SLC8A1: variants seen among roughly 807,000 people sequenced by gnomAD.
SLC8A1 encodes the protein solute carrier family 8 member A1, also known as sodium/calcium exchanger 1.
A neutral mutation model predicts 68.3 loss-of-function variants in SLC8A1; 18 were observed. The observed-to-expected ratio is 0.26, with a 90% CI of 0.18 to 0.39. The LOEUF is 0.39. Ranked by LOEUF, SLC8A1 falls within the 10% of genes least tolerant of loss-of-function variation. SLC8A1 has a pLI of 1.00. For missense variants in SLC8A1, 985 were observed against 1,156.7 expected (o/e 0.85, Z 2.15); for synonymous variants, 475 against 415.5 (o/e 1.14, Z -1.74).
chr2:40,217,608 G>A (rs1035211311), intron 2 of SLC8A1, among the ~76,000 whole-genome samples: 8 of 152,100 alleles, frequency 5.3e-5, no homozygotes, highest in Non-Finnish European at 1.2e-4. Context: ...GTGTTCTTGT[G>A]AGCTCAGAGG....
chr2:40,240,569 G>A (rs563335653), intron 2 of SLC8A1, among the ~76,000 whole-genome samples: 1 of 152,326 alleles, frequency 6.6e-6, no homozygotes, highest in Admixed American at 6.5e-5. Context: ...TTGTTCACAT[G>A]TTTGGACATG....
intron 2 of SLC8A1, among the ~76,000 whole-genome samples, chr2:40,391,517 G>A (rs1275967504): frequency 6.6e-6 from 1 of 151,986 alleles, no homozygotes. Flanking sequence ...TAATCATAGA[G>A]CCATAAGGAA....
At chr2:40,314,868 C>T (rs2074231795) in intron 2 of SLC8A1, among the ~76,000 whole-genome samples, 1 of 152,010 alleles carries the variant, frequency 6.6e-6, no homozygotes, top group Non-Finnish European at 1.5e-5. Context: ...ACTTGTTAAA[C>T]TCCCTTACTA....
At chr2:40,197,175 T>G (rs2053210390) in intron 2 of SLC8A1, among the ~76,000 whole-genome samples, 1 of 151,974 alleles carries the variant, frequency 6.6e-6, no homozygotes, top group Admixed American at 6.6e-5. Context: ...CAGTTCCCAT[T>G]TGGGGGCCAG....
intron 2 of SLC8A1, among the ~76,000 whole-genome samples, chr2:40,224,996 G>C (rs185715494): frequency 7.2e-5 from 11 of 152,280 alleles, no homozygotes; most frequent in Admixed American, 2.6e-4. Context: ...GACTGATGGA[G>C]AGCTAGAACC....
intron 2 of SLC8A1, among the ~76,000 whole-genome samples, chr2:40,338,291 G>A (rs761885614): frequency 6.6e-6 from 1 of 152,046 alleles, no homozygotes; most frequent in Non-Finnish European, 1.5e-5. Flanking sequence ...AATAAATTTG[G>A]CACCTGGTTT....
chr2:40,491,963 T>G (rs551390289), intron 1 of SLC8A1, among the ~76,000 whole-genome samples: 1 of 152,116 alleles, frequency 6.6e-6, no homozygotes, highest in Non-Finnish European at 1.5e-5. Flanking sequence ...AAGCTACCAA[T>G]GACTTTCTTC....
chr2:40,427,349 G>A (rs1303627859), intron 2 of SLC8A1, among the ~76,000 whole-genome samples: 2 of 151,988 alleles, frequency 1.3e-5, no homozygotes, highest in Non-Finnish European at 1.5e-5. Context: ...CATATCATAT[G>A]CCATTATCGT....
At chr2:40,300,153 G>C (rs2071182931) in intron 2 of SLC8A1, among the ~76,000 whole-genome samples, 2 of 152,010 alleles carry the variant, frequency 1.3e-5, no homozygotes, top group Non-Finnish European at 2.9e-5. Context: ...TGCTTGCTTT[G>C]GTGACAAAAA....
At chr2:40,238,635 TTC>T (rs1380104361) in intron 2 of SLC8A1, among the ~76,000 whole-genome samples, 7 of 152,196 alleles carry the variant, frequency 4.6e-5, no homozygotes, top group African/African-American at 1.7e-4. Flanking sequence ...CTCGATCGTC[TTC>T]TGTTTCTTAC....
intron 1 of SLC8A1, among the ~76,000 whole-genome samples, chr2:40,469,425 G>A (rs1420957046): frequency 6.6e-6 from 1 of 152,134 alleles, no homozygotes; most frequent in African/African-American, 2.4e-5. Context: ...ATGACTGTAT[G>A]TTTCCTGAGG....
At chr2:40,383,890 C>G (rs1181350911) in intron 2 of SLC8A1, among the ~76,000 whole-genome samples, 1 of 152,034 alleles carries the variant, frequency 6.6e-6, no homozygotes, top group African/African-American at 2.4e-5. Context: ...GTCCTATATC[C>G]AAGAGTGAAC....
At chr2:40,462,072 T>C (rs866285750) in intron 1 of SLC8A1, among the ~76,000 whole-genome samples, 1 of 138,430 alleles carries the variant, frequency 7.2e-6, no homozygotes, top group African/African-American at 2.7e-5. Context: ...AGTGGCACAA[T>C]CTTGGCTCAC....
chr2:40,416,091 T>G (rs972802003), intron 2 of SLC8A1, among the ~76,000 whole-genome samples: 29 of 151,560 alleles, frequency 1.9e-4, no homozygotes, highest in African/African-American at 6.0e-4. Context: ...CTCTCCACTT[T>G]TCTGAGACAG....
At chr2:40,247,776 CA>C (rs2062089572) in intron 2 of SLC8A1, among the ~76,000 whole-genome samples, 3 of 152,302 alleles carry the variant, frequency 2.0e-5, no homozygotes, top group South Asian at 2.1e-4. Flanking sequence ...GCCCTCATTT[CA>C]AAGGTGAGAC....
chr2:40,253,515 A>T (rs1236794164), intron 2 of SLC8A1, among the ~76,000 whole-genome samples: 1 of 152,064 alleles, frequency 6.6e-6, no homozygotes, highest in Non-Finnish European at 1.5e-5. Context: ...ATGGAGGTAC[A>T]GTAGAATGGT....
chr2:40,472,280 T>C (rs1243633706), intron 1 of SLC8A1, among the ~76,000 whole-genome samples: 1 of 152,222 alleles, frequency 6.6e-6, no homozygotes, highest in East Asian at 1.9e-4. Flanking sequence ...TTAATCTCTG[T>C]GAGCTTCGTA....
rs1452444499 is a variant in SLC8A1, at chr2:40,239,565, TCTC to T, written c.1809-61713_1809-61711del. Among the ~76,000 whole-genome samples, 5 of 152,298 alleles carry T rather than the reference TCTC, an allele frequency of 3.3e-5. No homozygotes were observed. In the East Asian group the frequency reaches 9.6e-4, roughly 29 times the overall value. ...CTGCATTAGGGGTTGGGTTTCTGAC[TCTC>T]CTCCTCCCATGCACAGTCACTGTGC... On this transcript the variant is annotated intron_variant, in intron 2 of 7. Transcript: ENST00000406785.
At position 40,252,969 on chromosome 2, in the gene SLC8A1, G is replaced by GTACATATATGTATCTGTATATATGTATA. The variant is rs2063099555; in HGVS notation, c.1809-75142_1809-75115dup. Among the ~76,000 whole-genome samples the GTACATATATGTATCTGTATATATGTATA allele has an allele frequency of 8.9e-5, 12 of 134,552 alleles. No individual in the cohort carries two copies. In the South Asian group the frequency reaches 2.7e-3, roughly 30 times the overall value. 88.3% of individuals were successfully genotyped at this position (134,552 alleles called of 152,430 possible). ...TATATACATATGTGTGTATATGTAT[G>GTACATATATGTATCTGTATATATGTATA]TACATATATGTATCTGTATATATGT... On this transcript the variant is annotated intron_variant, in intron 2 of 7. Coordinates refer to ENST00000406785, the Ensembl canonical transcript of SLC8A1.
Sources: gnomAD v4.1 joint callset for allele counts (sites outside exome capture counted in the v4.1 genomes callset) on GRCh38, gnomAD v4.1.1 for gene constraint, MANE v1.5 for transcripts, NCBI Gene and HGNC (gene_info 2026-07-23, HGNC 2026-07-21) for gene names.